GPM6A: variants seen among roughly 807,000 people sequenced by gnomAD.
The protein encoded by GPM6A is neuronal membrane glycoprotein M6-a.
Under a neutral mutation model 32.1 loss-of-function variants are expected in GPM6A, and 7 were observed. The ratio of observed to expected loss-of-function variants is 0.22; its 90% CI spans 0.12 to 0.41. The LOEUF (loss-of-function observed/expected upper bound fraction) is 0.41, where lower values mean the gene tolerates loss of function less well. Among genes scored for constraint, GPM6A ranks in the 10% least tolerant of loss-of-function variants. The pLI is 1.00. For synonymous variants in GPM6A, 130 were observed against 123.4 expected, an observed-to-expected ratio of 1.05 and a Z score of -0.35; for missense variants, 235 against 347.2, an observed-to-expected ratio of 0.68 and a Z score of 2.57.
chr4:175,876,783 T>G (rs1452065035), intron 1 of GPM6A, among the ~76,000 whole-genome samples: 5 of 152,176 alleles, frequency 3.3e-5, no homozygotes, highest in African/African-American at 1.2e-4. Context: ...CGAGTCTTTT[T>G]TAAATTTTTT....
chr4:175,714,491 C>T (rs867911487), intron 1 of GPM6A, among the ~76,000 whole-genome samples: 2 of 152,110 alleles, frequency 1.3e-5, no homozygotes, highest in Admixed American at 1.3e-4. Flanking sequence ...TCAAGGGATA[C>T]TCCTGCCTCA....
chr4:175,831,590 G>A (rs1217477081), intron 1 of GPM6A, among the ~76,000 whole-genome samples: 2 of 151,932 alleles, frequency 1.3e-5, no homozygotes, highest in African/African-American at 4.8e-5. Context: ...TCATTGACAG[G>A]CTACTCCCAC....
At chr4:175,704,842 T>C (rs1455528509) in intron 1 of GPM6A, among the ~76,000 whole-genome samples, 2 of 152,156 alleles carry the variant, frequency 1.3e-5, no homozygotes, top group Non-Finnish European at 2.9e-5. Context: ...ACTGAATGCA[T>C]AGGTGGGAAT....
intron 1 of GPM6A, among the ~76,000 whole-genome samples, chr4:175,809,384 C>CT (rs1209947407): frequency 0.039 from 5,647 of 145,452 alleles, 286 homozygotes; most frequent in African/African-American, 0.12. Flanking sequence ...TCTTTTTTTC[C>CT]TTTTTTTTTT....
intron 1 of GPM6A, among the ~76,000 whole-genome samples, chr4:175,865,273 C>G (rs1314145561): frequency 2.6e-5 from 4 of 152,338 alleles, no homozygotes; most frequent in South Asian, 2.1e-4. Context: ...CATCCCTGGG[C>G]TCTCTAGTGT....
intron 1 of GPM6A, among the ~76,000 whole-genome samples, chr4:175,885,669 C>T (rs1737428678): frequency 6.6e-6 from 1 of 152,096 alleles, no homozygotes; most frequent in Admixed American, 6.5e-5. Flanking sequence ...AATCCCACTC[C>T]TTGGTATATA....
At chr4:175,867,138 G>C (rs1736764983) in intron 1 of GPM6A, among the ~76,000 whole-genome samples, 1 of 152,052 alleles carries the variant, frequency 6.6e-6, no homozygotes, top group Non-Finnish European at 1.5e-5. Context: ...AAGAGTCCTT[G>C]GTGTATTTCA....
At chr4:175,881,131 T>A (rs1737261156) in intron 1 of GPM6A, among the ~76,000 whole-genome samples, 1 of 151,902 alleles carries the variant, frequency 6.6e-6, no homozygotes, top group African/African-American at 2.4e-5. Flanking sequence ...TACAAAGAAC[T>A]CAAACAAATT....
chr4:175,906,932 T>G (rs1319429936), intron 1 of GPM6A: 1 of 152,104 alleles, frequency 6.6e-6, no homozygotes, highest in Non-Finnish European at 1.5e-5. Flanking sequence ...ATAGGTAAAA[T>G]TACCTTCAGA....
intron 1 of GPM6A, among the ~76,000 whole-genome samples, chr4:175,776,541 T>C (rs948521043): frequency 2.6e-5 from 4 of 152,180 alleles, no homozygotes. Flanking sequence ...CAGTCTCTAA[T>C]ATATTCAACC....
chr4:175,953,028 T>TC (rs1739867162), intron 1 of GPM6A, among the ~76,000 whole-genome samples: 1 of 141,938 alleles, frequency 7.0e-6, no homozygotes, highest in South Asian at 2.2e-4. Context: ...AGACCCTGTT[T>TC]TTAAAAAAAA....
chr4:175,645,161 G>A (rs1741382992), intron 4 of GPM6A, among the ~76,000 whole-genome samples: 1 of 152,122 alleles, frequency 6.6e-6, no homozygotes, highest in South Asian at 2.1e-4. Flanking sequence ...GGTGCAAAGA[G>A]AATTGGGGAG....
intron 2 of GPM6A, among the ~76,000 whole-genome samples, chr4:175,693,301 A>G (rs139537377): frequency 6.7e-6 from 1 of 148,746 alleles, no homozygotes; most frequent in African/African-American, 2.4e-5. Flanking sequence ...TATATATATA[A>G]AATATACATA....
At chr4:175,813,679 C>T (rs528932895), upstream of GPM6A, among the ~76,000 whole-genome samples, 1 of 152,172 alleles carries the variant, frequency 6.6e-6, no homozygotes, top group Non-Finnish European at 1.5e-5. Context: ...ACGTTTCTTG[C>T]ATTATAGCTT....
At chr4:175,946,629 C>T (rs1465528919) in intron 1 of GPM6A, among the ~76,000 whole-genome samples, 1 of 152,026 alleles carries the variant, frequency 6.6e-6, no homozygotes, top group Non-Finnish European at 1.5e-5. Flanking sequence ...CAGAGCATGT[C>T]AAGAACAGGG....
At position 175,865,338 on chromosome 4, in the gene GPM6A, A is replaced by G. The variant is rs954527448; in HGVS notation, c.-22-53089T>C. Among the ~76,000 whole-genome samples, 54 of 152,168 alleles carry G rather than the reference A, an allele frequency of 3.5e-4. 1 individual carries two copies. Among genetic ancestry groups the G allele is most frequent in the Admixed American group, 3.5e-3 (54 of 15,272 alleles). On this transcript the variant is annotated intron_variant, in intron 1 of 7. Transcript: ENST00000280187. ...GCAATACCAAGTGCCTTGATTAATGATAAGTATTGTTGTCAGATAGTGTAA... is the reference window on the plus strand; with the variant it reads ...GCAATACCAAGTGCCTTGATTAATGGTAAGTATTGTTGTCAGATAGTGTAA...
rs571783260 is a variant in GPM6A, at chr4:175,692,860, T to G, written c.230+8715A>C. ...GTAAAATATAAAGTAGGAACATAGT[T>G]TCATGTGTATTTATGAGTACTTACA... On this transcript the variant is annotated intron_variant, in intron 2 of 6. Transcript: ENST00000393658. 6.6e-5 allele frequency among the ~76,000 whole-genome samples: 10 copies of G among 152,248 alleles called. No individual in the cohort carries two copies. The East Asian group carries it at 1.9e-3, about 29-fold the overall frequency.
At chr4:175,910,846 C>T (rs968379037) in intron 1 of GPM6A, among the ~76,000 whole-genome samples, 1 of 152,152 alleles carries the variant, frequency 6.6e-6, no homozygotes, top group Non-Finnish European at 1.5e-5. Flanking sequence ...GTAGCAACTA[C>T]TCTACTCCTA....
At chr4:175,714,583 C>T (rs1225500907) in intron 1 of GPM6A, among the ~76,000 whole-genome samples, 4 of 40,664 alleles carry the variant, frequency 9.8e-5, no homozygotes, top group Non-Finnish European at 1.3e-4. Flanking sequence ...GGTGTGGTCT[C>T]CACAGCTATC....
Sources: allele counts gnomAD v4.1 joint callset (sites outside exome capture counted in the v4.1 genomes callset), GRCh38; gene constraint gnomAD v4.1.1; transcripts MANE v1.5; gene names NCBI Gene and HGNC (gene_info 2026-07-23, HGNC 2026-07-21).